Variants in TOX observed in about 807,000 individuals in gnomAD.
The protein encoded by TOX is thymocyte selection associated high mobility group box.
TOX carries 11 observed loss-of-function variants against 53.7 expected under a neutral mutation model. That is an observed-to-expected ratio of 0.20 (90% CI 0.13 to 0.34). The LOEUF is 0.34. Ranked by LOEUF, TOX falls within the 10% of genes least tolerant of loss-of-function variation. The pLI is 1.00. For missense variants in TOX, 570 were observed against 664.6 expected (o/e 0.86, Z 1.56); for synonymous variants, 225 against 245.3 (o/e 0.92, Z 0.77).
At chr8:59,079,268 C>T (rs1031991164) in intron 1 of TOX, among the ~76,000 whole-genome samples, 31 of 152,110 alleles carry the variant, frequency 2.0e-4, no homozygotes, top group African/African-American at 7.5e-4. Flanking sequence ...GCAAATATAG[C>T]AAAATTGGCA....
At chr8:58,829,564 G>A (rs1281230324) in intron 5 of TOX, among the ~76,000 whole-genome samples, 2 of 152,178 alleles carry the variant, frequency 1.3e-5, no homozygotes, top group Non-Finnish European at 2.9e-5. Flanking sequence ...TCCTGTAATT[G>A]TGTTGAAAGG....
chr8:59,093,707 T>G (rs1201777681), intron 1 of TOX, among the ~76,000 whole-genome samples: 1 of 152,222 alleles, frequency 6.6e-6, no homozygotes, highest in Non-Finnish European at 1.5e-5. Context: ...ACATTCTTGC[T>G]TCTACATATA....
intron 1 of TOX, among the ~76,000 whole-genome samples, chr8:58,970,929 G>T (rs1467211624): frequency 6.6e-6 from 1 of 152,130 alleles, no homozygotes; most frequent in African/African-American, 2.4e-5. Flanking sequence ...CAGGGATACT[G>T]GAAAAAAGTT....
chr8:58,914,825 G>A (rs1811976482), intron 3 of TOX, among the ~76,000 whole-genome samples: 1 of 151,848 alleles, frequency 6.6e-6, no homozygotes, highest in South Asian at 2.1e-4. Flanking sequence ...CAGACAGTGG[G>A]CGCAGGCCAG....
intron 1 of TOX, among the ~76,000 whole-genome samples, chr8:59,112,397 C>G (rs1215554541): frequency 6.6e-6 from 1 of 152,278 alleles, no homozygotes; most frequent in East Asian, 1.9e-4. Context: ...TCAGAAATTG[C>G]TCTTTGGGAT....
rs764851208 is a variant in TOX, at chr8:58,939,309, A to G, written c.404T>C (p.Ile135Thr). 5.0e-6 allele frequency: 8 copies of G among 1,613,908 alleles called. No homozygotes were observed. In the Admixed American group the frequency reaches 1.0e-4, roughly 20 times the overall value. ...AGGTAAGCAGATTCTTACCACAGAAATGGAATTAGAAAGCAGTGTTCCATC... is the reference window on the plus strand; with the variant it reads ...AGGTAAGCAGATTCTTACCACAGAAGTGGAATTAGAAAGCAGTGTTCCATC... ...GQDGTLLSNS[I>T]SVMPDIRNPE... The change falls in exon 3 of 9, where the codon ATT (isoleucine) becomes ACT (threonine). Residue 135 changes from isoleucine to threonine, a missense_variant. Around this residue, in one of 3 missense-constraint regions of TOX, gnomAD observed 282 missense variants for 315.0 expected, o/e 0.90. Transcript: ENST00000361421.
At chr8:58,969,226 T>A (rs1220827270) in intron 1 of TOX, among the ~76,000 whole-genome samples, 7 of 152,206 alleles carry the variant, frequency 4.6e-5, no homozygotes, top group Admixed American at 1.3e-4. Context: ...CTCCATTTTT[T>A]AAGAGATATT....
chr8:59,084,576 T>A (rs1422401846), intron 1 of TOX, among the ~76,000 whole-genome samples: 1 of 152,208 alleles, frequency 6.6e-6, no homozygotes, highest in Non-Finnish European at 1.5e-5. Flanking sequence ...ATGAGGGTTA[T>A]TTTTACTTAC....
chr8:59,004,022 G>T, intron 1 of TOX, among the ~76,000 whole-genome samples: 1 of 152,258 alleles, frequency 6.6e-6, no homozygotes, highest in East Asian at 1.9e-4. Context: ...TTTAAGAAAT[G>T]GAAATCACTA....
At chr8:58,888,913 ACAGTTCATT>A (rs1224122835) in intron 3 of TOX, among the ~76,000 whole-genome samples, 2 of 152,020 alleles carry the variant, frequency 1.3e-5, no homozygotes. Flanking sequence ...ATTTTAAGAG[ACAGTTCATT>A]CAAGCAAAAG....
chr8:58,897,478 T>C (rs2129172461), intron 3 of TOX, among the ~76,000 whole-genome samples: 1 of 152,290 alleles, frequency 6.6e-6, no homozygotes, highest in Non-Finnish European at 1.5e-5. Context: ...CAGGAACTCA[T>C]TGTAAAGAGA....
At chr8:58,874,842 G>A (rs1307708034) in intron 3 of TOX, among the ~76,000 whole-genome samples, 1 of 152,186 alleles carries the variant, frequency 6.6e-6, no homozygotes, top group Non-Finnish European at 1.5e-5. Context: ...GCCACATTTG[G>A]AGAAGAACTG....
intron 1 of TOX, among the ~76,000 whole-genome samples, chr8:59,108,139 C>T (rs948569908): frequency 6.6e-6 from 1 of 152,226 alleles, no homozygotes; most frequent in Non-Finnish European, 1.5e-5. Context: ...TCACCACTGA[C>T]GAATAATGTG....
At chr8:58,921,383 C>T (rs1812072734) in intron 3 of TOX, among the ~76,000 whole-genome samples, 1 of 152,132 alleles carries the variant, frequency 6.6e-6, no homozygotes, top group Non-Finnish European at 1.5e-5. Flanking sequence ...ATCCAAATGT[C>T]AAAAACAGTT....
At chr8:58,832,022 C>G (rs563417086) in intron 5 of TOX, among the ~76,000 whole-genome samples, 1 of 151,308 alleles carries the variant, frequency 6.6e-6, no homozygotes, top group Non-Finnish European at 1.5e-5. Context: ...GGTCTCTGAG[C>G]GTATGAATAT....
intron 1 of TOX, among the ~76,000 whole-genome samples, chr8:59,071,843 T>C (rs1352686572): frequency 6.6e-6 from 1 of 152,226 alleles, no homozygotes; most frequent in East Asian, 1.9e-4. Flanking sequence ...AAGACTAATC[T>C]GGATAAATTA....
chr8:58,905,075 G>T (rs1288923903), intron 3 of TOX, among the ~76,000 whole-genome samples: 1 of 152,172 alleles, frequency 6.6e-6, no homozygotes, highest in East Asian at 1.9e-4. Flanking sequence ...TGGGACTACA[G>T]GCGCGCGCCA....
chr8:58,939,336 T>C lies in TOX; in HGVS notation c.377A>G (p.Gln126Arg), dbSNP rs1585912842. Residue 126 changes from glutamine to arginine, a missense_variant, in exon 3 of 9, where the codon CAG becomes CGG. By Grantham distance (43) the Gln-to-Arg change is conservative. Transcript: ENST00000361421. The part of the protein sequence containing the change: ...PEITVSNMLG[Q>R]DGTLLSNSIS... ...GGAATTAGAAAGCAGTGTTCCATCC[T>C]GGCCCAGCATATTGGAGACTGTGAT... is the stretch of plus-strand genomic sequence containing the variant. The C allele has an allele frequency of 6.2e-7, 1 of 1,614,112 alleles. No homozygotes were observed. Among genetic ancestry groups the C allele is most frequent in the Non-Finnish European group, 8.5e-7 (1 of 1,180,014 alleles).
rs2129423757 is a variant in TOX at position 59,091,246 on chromosome 8, T to C, written c.102+27640A>G. 1.3e-5 allele frequency among the ~76,000 whole-genome samples: 2 copies of C among 152,316 alleles called. 1 individual carries two copies. Among genetic ancestry groups the C allele is most frequent in the South Asian group, 4.1e-4 (2 of 4,820 alleles). Reference sequence around the variant, plus strand: ...CTCTATTCAAACTACCTTCACCAAGTTGCCAATAATGTCCATAGTGACAAA... The same window carrying C: ...CTCTATTCAAACTACCTTCACCAAGCTGCCAATAATGTCCATAGTGACAAA... On this transcript the variant is annotated intron_variant, in intron 1 of 8. Coordinates refer to ENST00000361421, the MANE Select transcript of TOX (RefSeq NM_014729.3).
Sources: allele counts gnomAD v4.1 joint callset (sites outside exome capture counted in the v4.1 genomes callset), GRCh38; gene constraint gnomAD v4.1.1; regional missense constraint gnomAD v4.1.1; transcripts MANE v1.5; gene names NCBI Gene and HGNC (gene_info 2026-07-23, HGNC 2026-07-21).